VTI1A: variants seen among roughly 807,000 people sequenced by gnomAD.
The protein encoded by VTI1A is vesicle transport through interaction with t-SNAREs homolog 1A.
VTI1A carries 22 observed loss-of-function variants against 34.9 expected under a neutral mutation model. That is an observed-to-expected ratio of 0.63 (90% CI 0.45 to 0.90). The LOEUF (loss-of-function observed/expected upper bound fraction) is 0.90. VTI1A is among the 40% of genes least tolerant of loss of function. The probability of loss-of-function intolerance (pLI) is 0.00; values close to 1 mark genes in which losing one functional copy is unlikely to be tolerated. For synonymous variants in VTI1A, 87 were observed against 97.3 expected (o/e 0.89, Z 0.62); for missense variants, 268 against 275.6 (o/e 0.97, Z 0.20).
intron 5 of VTI1A, among the ~76,000 whole-genome samples, chr10:112,540,808 A>G (rs992610139): frequency 6.6e-6 from 1 of 152,228 alleles, no homozygotes; most frequent in Non-Finnish European, 1.5e-5. Context: ...TGGAAAGGAA[A>G]AACTTTCAGC....
At chr10:112,582,655 A>G (rs1196237858) in intron 5 of VTI1A, among the ~76,000 whole-genome samples, 1 of 152,180 alleles carries the variant, frequency 6.6e-6, no homozygotes, top group East Asian at 1.9e-4. Flanking sequence ...TACCTTGTTA[A>G]ATTTGTTATG....
chr10:112,704,996 C>T (rs956226936), intron 7 of VTI1A, among the ~76,000 whole-genome samples: 1 of 152,100 alleles, frequency 6.6e-6, no homozygotes, highest in Non-Finnish European at 1.5e-5. Context: ...TCAAACAATC[C>T]TCCTGCCCCA....
chr10:112,505,240 T>C (rs574327054), intron 3 of VTI1A, among the ~76,000 whole-genome samples: 14 of 152,316 alleles, frequency 9.2e-5, no homozygotes, highest in African/African-American at 3.1e-4. Flanking sequence ...TAATCCTGTT[T>C]GTCTTGTCTT....
chr10:112,804,658 T>G (rs1026618655), intron 7 of VTI1A, among the ~76,000 whole-genome samples: 1 of 152,030 alleles, frequency 6.6e-6, no homozygotes. Flanking sequence ...ATCGCGGCCT[T>G]TGTCGTGAGG....
At chr10:112,471,884 T>C (rs1008688468) in intron 3 of VTI1A, among the ~76,000 whole-genome samples, 14 of 152,266 alleles carry the variant, frequency 9.2e-5, no homozygotes, top group Middle Eastern at 3.4e-3. Context: ...TTTAAAACCC[T>C]AAATTTATAC....
intron 3 of VTI1A, among the ~76,000 whole-genome samples, chr10:112,501,011 A>G (rs1479608199): frequency 2.6e-5 from 4 of 152,192 alleles, no homozygotes; most frequent in Admixed American, 2.0e-4. Flanking sequence ...GACTGTATCA[A>G]AATAAACCTC....
chr10:112,483,819 G>C (rs144600854), intron 3 of VTI1A, among the ~76,000 whole-genome samples: 1 of 151,970 alleles, frequency 6.6e-6, no homozygotes. Flanking sequence ...ACAATTAAAG[G>C]CATCTAATAG....
intron 5 of VTI1A, among the ~76,000 whole-genome samples, chr10:112,648,480 T>C (rs917471782): frequency 1.4e-4 from 22 of 152,186 alleles, no homozygotes; most frequent in Non-Finnish European, 5.9e-5. Flanking sequence ...AAAATGAGCA[T>C]CAACCATGAT....
intron 7 of VTI1A, among the ~76,000 whole-genome samples, chr10:112,722,571 C>A (rs1849851738): frequency 6.6e-6 from 1 of 152,024 alleles, no homozygotes; most frequent in Non-Finnish European, 1.5e-5. Context: ...TGCTGTTGTT[C>A]TTTGTGACTA....
chr10:112,447,055 AC>A (rs1352904560), upstream of VTI1A: 11 of 317,556 alleles, frequency 3.5e-5, no homozygotes, highest in African/African-American at 2.2e-4. Flanking sequence ...GGGGGAAAAA[AC>A]GCTTCTAATG....
At chr10:112,636,473 A>G (rs1846355018) in intron 5 of VTI1A, among the ~76,000 whole-genome samples, 1 of 152,022 alleles carries the variant, frequency 6.6e-6, no homozygotes, top group Non-Finnish European at 1.5e-5. Flanking sequence ...TGCCAGTAAT[A>G]CCAGCACTTT....
At chr10:112,807,094 G>C (rs967877604) in intron 7 of VTI1A, among the ~76,000 whole-genome samples, 1 of 152,170 alleles carries the variant, frequency 6.6e-6, no homozygotes, top group Non-Finnish European at 1.5e-5. Context: ...CTGTGAACTC[G>C]GCTGGGACTG....
the VTI1A span, among the ~76,000 whole-genome samples, chr10:112,843,759 G>T: frequency 7.9e-5 from 12 of 152,106 alleles, no homozygotes; most frequent in Non-Finnish European, 1.5e-4. Context: ...GTTCCTCAAG[G>T]TCATCATGTG....
At position 112,702,036 on chromosome 10, in the gene VTI1A, C is replaced by T. The variant is rs548089975; in HGVS notation, c.560+33038C>T. Reference sequence around the variant, plus strand: ...CAGTGAGAAAGGAAAAGGGAACATACGAAGTCCATGAGTCAGGACCCCAAC... The same window carrying T: ...CAGTGAGAAAGGAAAAGGGAACATATGAAGTCCATGAGTCAGGACCCCAAC... On this transcript the variant is annotated intron_variant, in intron 7 of 7. Coordinates refer to ENST00000393077, the MANE Select transcript of VTI1A (RefSeq NM_145206.4). Among the ~76,000 whole-genome samples, 9 of 152,240 alleles carry T rather than the reference C, an allele frequency of 5.9e-5. No individual in the cohort carries two copies. In the South Asian group the frequency reaches 1.2e-3, roughly 21 times the overall value.
chr10:112,776,293 G>C (rs1851954546), intron 7 of VTI1A, among the ~76,000 whole-genome samples: 1 of 152,160 alleles, frequency 6.6e-6, no homozygotes, highest in African/African-American at 2.4e-5. Context: ...AATTGGGGTG[G>C]GGTACTGGGA....
chr10:112,829,670 C>T, the VTI1A span, among the ~76,000 whole-genome samples: 1 of 152,114 alleles, frequency 6.6e-6, no homozygotes, highest in East Asian at 1.9e-4. Context: ...AGGAGAACCG[C>T]TTGAACCCGG....
intron 7 of VTI1A, among the ~76,000 whole-genome samples, chr10:112,746,389 C>T (rs1850897603): frequency 6.6e-6 from 1 of 152,154 alleles, no homozygotes; most frequent in Non-Finnish European, 1.5e-5. Flanking sequence ...CAGCCAGCAG[C>T]GACCCTGCTT....
chr10:112,745,297 TGTC>T (rs1019575161), intron 7 of VTI1A, among the ~76,000 whole-genome samples: 1 of 152,154 alleles, frequency 6.6e-6, no homozygotes, highest in Admixed American at 6.5e-5. Flanking sequence ...GTATTAGTAA[TGTC>T]GTGGAAGTTT....
chr10:112,788,856 A>T (rs1182524752), intron 7 of VTI1A, among the ~76,000 whole-genome samples: 2 of 152,006 alleles, frequency 1.3e-5, no homozygotes, highest in Non-Finnish European at 2.9e-5. Context: ...TGCTCTAGGA[A>T]TTGTATCTTG....
Sources: allele counts gnomAD v4.1 joint callset (sites outside exome capture counted in the v4.1 genomes callset), GRCh38; gene constraint gnomAD v4.1.1; transcripts MANE v1.5; gene names NCBI Gene and HGNC (gene_info 2026-07-23, HGNC 2026-07-21).